Variants in DCSTAMP observed in about 807,000 individuals in gnomAD.
The protein encoded by DCSTAMP is dendritic cell-specific transmembrane protein.
DCSTAMP carries 25 observed loss-of-function variants against 33.8 expected under a neutral mutation model. The ratio of observed to expected loss-of-function variants is 0.74; its 90% confidence interval spans 0.54 to 1.03. The LOEUF (loss-of-function observed/expected upper bound fraction) is 1.03. Ranked by LOEUF, DCSTAMP falls within the 50% of genes least tolerant of loss-of-function variation. The pLI is 0.00. For synonymous variants in DCSTAMP, 245 were observed against 216.7 expected, an observed-to-expected ratio of 1.13 and a Z score of -1.15; for missense variants, 531 against 556.8, an observed-to-expected ratio of 0.95 and a Z score of 0.47.
At chr8:104,340,807 T>G (rs1194899463) in intron 1 of DCSTAMP, among the ~76,000 whole-genome samples, 1 of 152,054 alleles carries the variant, frequency 6.6e-6, no homozygotes, top group Non-Finnish European at 1.5e-5. Context: ...TAAAATGAGA[T>G]TCACATCAAG....
chr8:104,344,795 A>C lies in DCSTAMP; in HGVS notation c.-12-3746A>C, dbSNP rs542795418. 1.4e-4 allele frequency among the ~76,000 whole-genome samples: 21 copies of C among 152,316 alleles called. 1 individual carries two copies. The East Asian group carries it at 3.5e-3, about 25-fold the overall frequency. ...ATTCCAGTTTACTGATTTGCCTAAG[A>C]GGAAAGAATTGAAATATCTGAAGGA... On this transcript the variant is annotated intron_variant, in intron 1 of 3. Coordinates refer to ENST00000297581, the MANE Select transcript of DCSTAMP (RefSeq NM_030788.4).
intron 1 of DCSTAMP, among the ~76,000 whole-genome samples, chr8:104,345,226 C>A (rs1810273150): frequency 1.3e-5 from 2 of 152,252 alleles, no homozygotes; most frequent in African/African-American, 4.8e-5. Flanking sequence ...GACCTTTTAT[C>A]CAGAGAGTCT....
At position 104,348,588 on chromosome 8, in the gene DCSTAMP, A is replaced by C. The variant is rs116034004; in HGVS notation, c.36A>C (p.Leu12=). Residue 12 remains leucine (L), a synonymous_variant, in exon 2 of 4, where the codon CTA becomes CTC. Coordinates refer to ENST00000297581, the MANE Select transcript of DCSTAMP (RefSeq NM_030788.4). ...GGACCTCAGGCACTGATATCTTCCT[A>C]AGTCTTTGGGAGATTTACGTGTCTC... ...GIWTSGTDIF[L]SLWEIYVSPR... 14 of 1,614,114 alleles carry C rather than the reference A, an allele frequency of 8.7e-6. No individual in the cohort carries two copies. The highest frequency in any genetic ancestry group is 1.1e-5 in the Non-Finnish European group (13 of 1,180,008).
chr8:104,349,562 A>G lies in DCSTAMP; in HGVS notation c.1010A>G (p.His337Arg). The G allele has an allele frequency of 6.2e-7, 1 of 1,612,570 alleles. No homozygotes were observed. The highest frequency in any genetic ancestry group is 8.5e-7 in the Non-Finnish European group (1 of 1,179,522). The part of the protein sequence containing the change: ...QFQSLPGFEV[H>R]LKLHGEKQGT... Reference sequence around the variant, plus strand: ...CAAAGCTTGCCAGGGTTTGAGGTTCACTTGAAACTGCACGGAGAGGTAGGG... The same window carrying G: ...CAAAGCTTGCCAGGGTTTGAGGTTCGCTTGAAACTGCACGGAGAGGTAGGG... Residue 337 changes from histidine to arginine, a missense_variant, in exon 2 of 4, where the codon CAC becomes CGC. Coordinates refer to ENST00000297581, the MANE Select transcript of DCSTAMP (RefSeq NM_030788.4).
At position 104,356,447 on chromosome 8, in the gene DCSTAMP, C is replaced by A; in HGVS notation, c.*249C>A. The stretch of plus-strand genomic sequence containing the variant: ...TGATCTTGCCTGTGTCACAATGTAA[C>A]AAGACTCTAGCTGGGTCCCCTGGTG... On this transcript the variant is annotated 3_prime_UTR_variant, in exon 4 of 4. Coordinates refer to ENST00000297581, the MANE Select transcript of DCSTAMP (RefSeq NM_030788.4). 1 of 306,060 alleles carries A rather than the reference C, an allele frequency of 3.3e-6. No individual in the cohort carries two copies. Among genetic ancestry groups the A allele is most frequent in the Non-Finnish European group, 6.0e-6 (1 of 166,776 alleles). 19.0% of individuals were successfully genotyped at this position (306,060 alleles called of 1,614,324 possible).
intron 1 of DCSTAMP, among the ~76,000 whole-genome samples, chr8:104,342,725 G>A (rs1477940045): frequency 6.6e-6 from 1 of 152,198 alleles, no homozygotes; most frequent in Non-Finnish European, 1.5e-5. Flanking sequence ...GGGAAGGTGA[G>A]ACCAACACGG....
intron 2 of DCSTAMP, among the ~76,000 whole-genome samples, chr8:104,354,298 T>C (rs1390728336): frequency 6.6e-6 from 1 of 152,140 alleles, no homozygotes; most frequent in Non-Finnish European, 1.5e-5. Context: ...AGAAGGTAGA[T>C]GTAGAACATA....
At chr8:104,353,683 G>A (rs1282033189) in intron 2 of DCSTAMP, among the ~76,000 whole-genome samples, 1 of 152,148 alleles carries the variant, frequency 6.6e-6, no homozygotes, top group Non-Finnish European at 1.5e-5. Context: ...TTTGTGTAGA[G>A]GTCCCAGGTT....
intron 1 of DCSTAMP, among the ~76,000 whole-genome samples, chr8:104,341,740 C>T (rs1220788623): frequency 6.6e-6 from 1 of 152,186 alleles, no homozygotes; most frequent in African/African-American, 2.4e-5. Flanking sequence ...CTGTTCCCTT[C>T]CACTCAGCCA....
intron 3 of DCSTAMP, 70 bp downstream of exon 3, chr8:104,355,255 A>G: frequency 6.7e-7 from 1 of 1,483,464 alleles, no homozygotes; most frequent in East Asian, 2.3e-5. Flanking sequence ...GGGAAAGGGG[A>G]CTTCGAAGCA....
chr8:104,349,176 C>T lies in DCSTAMP; in HGVS notation c.624C>T (p.Ser208=). Residue 208 remains serine, a synonymous_variant, in exon 2 of 4, where the codon TCC becomes TCT. Transcript: ENST00000297581. ...YQMATTTEVL[S]SLGQKLLAFA... ...TGGCAACAACCACAGAGGTGTTGTC[C>T]TCCCTGGGTCAGAAGCTACTTGCCT... 1 of 1,614,218 alleles carries T rather than the reference C, an allele frequency of 6.2e-7. No homozygotes were observed.
intron 1 of DCSTAMP, among the ~76,000 whole-genome samples, chr8:104,341,568 T>C (rs2099382850): frequency 6.6e-6 from 1 of 152,098 alleles, no homozygotes; most frequent in African/African-American, 2.4e-5. Context: ...ATGGGCAGGG[T>C]TGATGTGGAA....
intron 1 of DCSTAMP, among the ~76,000 whole-genome samples, chr8:104,340,826 G>T (rs1248907869): frequency 6.6e-6 from 1 of 152,230 alleles, no homozygotes; most frequent in Non-Finnish European, 1.5e-5. Flanking sequence ...AGCCAGTGAG[G>T]GAGGCTGATG....
chr8:104,354,695 T>C (rs1210947994), intron 2 of DCSTAMP, among the ~76,000 whole-genome samples, 182 bp from the exon 3 acceptor site: 1 of 152,162 alleles, frequency 6.6e-6, no homozygotes, highest in Non-Finnish European at 1.5e-5. Context: ...TAGTTACAAA[T>C]AAGACACATC....
chr8:104,353,455 C>T (rs765005939), intron 2 of DCSTAMP, among the ~76,000 whole-genome samples: 10 of 152,200 alleles, frequency 6.6e-5, no homozygotes, highest in Non-Finnish European at 1.5e-4. Context: ...ACCGAACACC[C>T]GCTGCTTTCT....
rs755969159 is a variant in DCSTAMP at position 104,354,918 on chromosome 8, T to G, written c.1071T>G (p.Asn357Lys). The G allele has an allele frequency of 6.2e-7, 1 of 1,608,646 alleles. No homozygotes were observed. The highest frequency in any genetic ancestry group is 1.3e-5 in the African/African-American group (1 of 74,768). The stretch of plus-strand genomic sequence containing the variant: ...ATATTATCCATGATTCTTCCTTTAA[T>G]ATATCTGTGTTTGAACCCAACTGTA... ...TQDIIHDSSF[N>K]ISVFEPNCIP... The change falls in exon 3 of 4, where the codon AAT (asparagine) becomes AAG (lysine). Residue 357 changes from asparagine to lysine, a missense_variant. Asn to Lys is a moderately conservative substitution (Grantham distance 94). Transcript: ENST00000297581.
chr8:104,345,728 A>T (rs977475069), intron 1 of DCSTAMP, among the ~76,000 whole-genome samples: 2 of 152,252 alleles, frequency 1.3e-5, no homozygotes, highest in African/African-American at 4.8e-5. Context: ...ATACATTATT[A>T]ATTTTTTAGG....
chr8:104,348,922 G>GGTAT lies in DCSTAMP; in HGVS notation c.372_375dup (p.Thr126TyrfsTer22). ...TCACAACTTTAAAGGTCTCCTAGAT[G>GGTAT]GTATGACTTGCAACCTAAGGGCAAA... On this transcript the variant is annotated frameshift_variant, in exon 2 of 4. Coordinates refer to ENST00000297581, the MANE Select transcript of DCSTAMP (RefSeq NM_030788.4). LOFTEE classifies it high-confidence loss of function. 6.2e-7 allele frequency: 1 copy of GGTAT among 1,614,172 alleles called. No individual in the cohort carries two copies. Among genetic ancestry groups the GGTAT allele is most frequent in the Non-Finnish European group, 8.5e-7 (1 of 1,180,032 alleles).
At chr8:104,342,403 C>T (rs776485639) in intron 1 of DCSTAMP, among the ~76,000 whole-genome samples, 1 of 152,298 alleles carries the variant, frequency 6.6e-6, no homozygotes, top group Non-Finnish European at 1.5e-5. Context: ...GAAGATGTCA[C>T]CCAAAGAAAT....
Sources: allele counts gnomAD v4.1 joint callset (sites outside exome capture counted in the v4.1 genomes callset), GRCh38; gene constraint gnomAD v4.1.1; transcripts MANE v1.5; gene names NCBI Gene and HGNC (gene_info 2026-07-23, HGNC 2026-07-21).